Variants in COL13A1 observed in about 807,000 individuals in gnomAD.
The protein encoded by COL13A1 is collagen alpha-1(XIII) chain.
COL13A1 carries 89 observed loss-of-function variants against 130.9 expected under a neutral mutation model. The ratio of observed to expected loss-of-function variants is 0.68; its 90% CI spans 0.57 to 0.81. The LOEUF (loss-of-function observed/expected upper bound fraction) is 0.81. Ranked by LOEUF, COL13A1 falls within the 30% of genes least tolerant of loss-of-function variation. The probability of loss-of-function intolerance (pLI) is 0.00; values close to 1 mark genes in which losing one functional copy is unlikely to be tolerated. For synonymous variants in COL13A1, 402 were observed against 341.6 expected (o/e 1.18, Z -1.95); for missense variants, 879 against 934.6 (o/e 0.94, Z 0.78).
intron 1 of COL13A1, among the ~76,000 whole-genome samples, chr10:69,820,137 C>T (rs184890476): frequency 6.6e-6 from 1 of 152,328 alleles, no homozygotes; most frequent in Admixed American, 6.5e-5. Context: ...ATTCTCTGTC[C>T]CCTTGCTTTA....
intron 1 of COL13A1, among the ~76,000 whole-genome samples, chr10:69,803,901 C>T (rs1840752061): frequency 6.6e-6 from 1 of 152,190 alleles, no homozygotes; most frequent in Non-Finnish European, 1.5e-5. Flanking sequence ...TGTACCTATT[C>T]CCTATAGCCA....
chr10:69,943,866 C>G (rs1365100310), intron 35 of COL13A1, among the ~76,000 whole-genome samples: 1 of 152,238 alleles, frequency 6.6e-6, no homozygotes, highest in Non-Finnish European at 1.5e-5. Flanking sequence ...TTGTTTTCAG[C>G]CTTGGCAAGC....
intron 17 of COL13A1, among the ~76,000 whole-genome samples, chr10:69,913,840 G>A (rs572316419): frequency 9.8e-5 from 13 of 133,042 alleles, no homozygotes; most frequent in African/African-American, 3.0e-4. Flanking sequence ...CAGTGGGGGC[G>A]CCCCTGCTTC....
At chr10:69,888,159 C>A in intron 8 of COL13A1, 145 bp from the exon 9 acceptor site, 3 of 843,436 alleles carry the variant, frequency 3.6e-6, no homozygotes, top group South Asian at 1.7e-5. Flanking sequence ...TACCCATAGT[C>A]ACATTAACAA....
intron 1 of COL13A1, among the ~76,000 whole-genome samples, chr10:69,803,474 C>T (rs1194358885): frequency 1.3e-5 from 2 of 152,162 alleles, no homozygotes; most frequent in Non-Finnish European, 1.5e-5. Context: ...CATGCAGCCT[C>T]TTTGTGCCAC....
intron 2 of COL13A1, among the ~76,000 whole-genome samples, chr10:69,851,191 G>A (rs1182798357): frequency 6.6e-6 from 1 of 152,208 alleles, no homozygotes; most frequent in East Asian, 1.9e-4. Flanking sequence ...AGAAAACAGG[G>A]TGTTGGGCTC....
intron 38 of COL13A1, among the ~76,000 whole-genome samples, chr10:69,950,004 G>GTGTGTGTGTGTGTGCATGTGTT (rs768967197): frequency 6.6e-6 from 1 of 151,318 alleles, no homozygotes; most frequent in Non-Finnish European, 1.5e-5. Flanking sequence ...GTGTGCGTGT[G>GTGTGTGTGTGTGTGCATGTGTT]TGTGTACGTC....
chr10:69,938,776 A>G (rs2067263335), intron 34 of COL13A1, among the ~76,000 whole-genome samples: 2 of 152,216 alleles, frequency 1.3e-5, no homozygotes, highest in Admixed American at 6.5e-5. Flanking sequence ...TCGAGGTAGG[A>G]ATATTTAAGA....
chr10:69,841,587 T>TG (rs1214750287), intron 2 of COL13A1, among the ~76,000 whole-genome samples: 1 of 152,164 alleles, frequency 6.6e-6, no homozygotes, highest in Admixed American at 6.5e-5. Context: ...AACCCGAGGG[T>TG]GAGCAAGACA....
intron 2 of COL13A1, among the ~76,000 whole-genome samples, chr10:69,858,977 G>C (rs1857225951): frequency 6.6e-6 from 1 of 152,168 alleles, no homozygotes; most frequent in South Asian, 2.1e-4. Context: ...GAGACTGCCT[G>C]TCAGGGCAGT....
chr10:69,921,287 G>A (rs1363127875), intron 21 of COL13A1, among the ~76,000 whole-genome samples: 2 of 152,174 alleles, frequency 1.3e-5, no homozygotes, highest in African/African-American at 2.4e-5. Flanking sequence ...GTGCATGTCT[G>A]TGCCCAAATT....
At chr10:69,811,383 A>G (rs1843006474) in intron 1 of COL13A1, among the ~76,000 whole-genome samples, 1 of 152,202 alleles carries the variant, frequency 6.6e-6, no homozygotes, top group South Asian at 2.1e-4. Flanking sequence ...CTTTAGCACC[A>G]GGTCATGCTC....
intron 37 of COL13A1, 59 bp from the exon 38 acceptor site, chr10:69,947,248 C>T: frequency 1.3e-6 from 2 of 1,503,076 alleles, no homozygotes; most frequent in Non-Finnish European, 1.9e-6. Flanking sequence ...GAAGAAAGCA[C>T]TGTACAGCTG....
At chr10:69,869,456 G>A (rs2058842996) in intron 3 of COL13A1, among the ~76,000 whole-genome samples, 1 of 152,240 alleles carries the variant, frequency 6.6e-6, no homozygotes, top group African/African-American at 2.4e-5. Flanking sequence ...TGGCCAGAGA[G>A]AGGGGCTCTG....
chr10:69,956,206 G>A (rs2070651838), intron 39 of COL13A1: 1 of 152,206 alleles, frequency 6.6e-6, no homozygotes, highest in Non-Finnish European at 1.5e-5. Context: ...ATTCCCCATA[G>A]GGTATGCCAG....
At chr10:69,819,539 G>C (rs138573345) in intron 1 of COL13A1, among the ~76,000 whole-genome samples, 2,960 of 152,308 alleles carry the variant, frequency 0.019, 33 homozygotes, top group Non-Finnish European at 0.03. Context: ...ATTTGAGGCA[G>C]AGGGGCCAGG....
At chr10:69,848,607 C>G (rs1195671590) in intron 2 of COL13A1, among the ~76,000 whole-genome samples, 1 of 152,218 alleles carries the variant, frequency 6.6e-6, no homozygotes, top group Non-Finnish European at 1.5e-5. Flanking sequence ...AGAGCAAGAA[C>G]AGCCAACAGG....
At chr10:69,855,141 A>T (rs1856038490) in intron 2 of COL13A1, among the ~76,000 whole-genome samples, 1 of 152,254 alleles carries the variant, frequency 6.6e-6, no homozygotes, top group South Asian at 2.1e-4. Flanking sequence ...GATTAGAAAT[A>T]GTAAATAGAC....
chr10:69,956,943 C>A, intron 39 of COL13A1, 61 bp from the exon 40 acceptor site: 1 of 1,411,708 alleles, frequency 7.1e-7, no homozygotes, highest in Non-Finnish European at 1.0e-6. Flanking sequence ...TACCCCTGTC[C>A]TGCCCACTTG....
Sources: allele counts gnomAD v4.1 joint callset (sites outside exome capture counted in the v4.1 genomes callset), GRCh38; gene constraint gnomAD v4.1.1; transcripts MANE v1.5; gene names NCBI Gene and HGNC (gene_info 2026-07-23, HGNC 2026-07-21).